The following ALG10B variants were observed in gnomAD, a reference collection of about 807,000 sequenced individuals.
The protein encoded by ALG10B is dol-P-Glc:Glc(2)Man(9)GlcNAc(2)-PP-Dol alpha-1,2-glucosyltransferase B.
ALG10B carries 27 observed loss-of-function variants against 38.7 expected under a neutral mutation model. The ratio of observed to expected loss-of-function variants is 0.70; its 90% confidence interval spans 0.51 to 0.96. The LOEUF is 0.96. Ranked by LOEUF, ALG10B falls within the 40% of genes least tolerant of loss-of-function variation. The pLI, the probability that ALG10B is intolerant of heterozygous loss-of-function variation, is 0.00. For synonymous variants in ALG10B, 177 were observed against 193.3 expected, an observed-to-expected ratio of 0.92 and a Z score of 0.70; for missense variants, 522 against 542.7, an observed-to-expected ratio of 0.96 and a Z score of 0.38.
In ALG10B at chr12:38,324,310, G is replaced by A. The variant is rs572996584; in HGVS notation, c.*3097G>A. ...CGCCTCCCAAAGTGCTGGGATTACA[G>A]GCGTGAGCCACTGTGCCCAGCTCTT... is the stretch of plus-strand genomic sequence containing the variant. On this transcript the variant is annotated 3_prime_UTR_variant, in exon 3 of 3. Coordinates refer to ENST00000308742, the MANE Select transcript of ALG10B (RefSeq NM_001013620.4). 4 of 183,428 alleles carry A rather than the reference G, an allele frequency of 2.2e-5. No homozygotes were observed. Among genetic ancestry groups the A allele is most frequent in the Non-Finnish European group, 4.6e-5 (4 of 87,344 alleles). The allele number at this position is 183,428 out of a possible 1,614,324, so 11.4% of individuals were successfully genotyped here. A position where few individuals can be genotyped will look rare whatever the true frequency, so the allele number is the denominator to read the frequency against.
chr12:38,317,040 T>G lies in ALG10B; in HGVS notation c.147T>G (p.Cys49Trp). ...IFHLPQAQRY[C>W]EGHFSLSQWD... The stretch of plus-strand genomic sequence containing the variant: ...ACCTGCCTCAGGCGCAGCGCTACTG[T>G]GAGGGCCATTTCTCCCTTTCCCAGG... Residue 49 changes from cysteine (C) to tryptophan (W), a missense_variant, in exon 1 of 3, where the codon TGT (cysteine) becomes TGG (tryptophan). Transcript: ENST00000308742. The G allele has an allele frequency of 6.2e-7, 1 of 1,614,196 alleles. No homozygotes were observed. Among genetic ancestry groups the G allele is most frequent in the Non-Finnish European group, 8.5e-7 (1 of 1,180,024 alleles).
At position 38,322,087 on chromosome 12, in the gene ALG10B, G is replaced by A. The variant is rs1467225856; in HGVS notation, c.*874G>A. ...GTTGGTTCCTTCTGGAGGCTCTAAG[G>A]AAGAATCCATTCTATGTCTGTTTCC... On this transcript the variant is annotated 3_prime_UTR_variant, in exon 3 of 3. Coordinates refer to ENST00000308742, the MANE Select transcript of ALG10B (RefSeq NM_001013620.4). The A allele has an allele frequency of 1.3e-5, 2 of 152,166 alleles. No individual in the cohort carries two copies. Among genetic ancestry groups the A allele is most frequent in the African/African-American group, 4.8e-5 (2 of 41,442 alleles). The allele number at this position is 152,166 out of a possible 1,614,324, so 9.4% of individuals were successfully genotyped here.
Position 38,321,185 on chromosome 12 carries a change from G to C in ALG10B, c.1394G>C (p.Ser465Thr), listed in dbSNP as rs766344970. Residue 465 changes from serine (S) to threonine (T), a missense_variant, in exon 3 of 3, where the codon AGT (serine) becomes ACT (threonine). Ser to Thr is a moderately conservative substitution (Grantham distance 58). Transcript: ENST00000308742. ...AACAAGACTTTTCAGTGGCCAAATA[G>C]TCAGGACATTCAAAGGTTTATGTGG... Reference protein sequence around the residue: ...FLNKTFQWPNSQDIQRFMW With the variant: ...FLNKTFQWPNTQDIQRFMW 6.2e-7 allele frequency: 1 copy of C among 1,611,852 alleles called. No homozygotes were observed. Among genetic ancestry groups the C allele is most frequent in the Non-Finnish European group, 8.5e-7 (1 of 1,179,166 alleles).
Position 38,323,789 on chromosome 12 carries a change from C to CT in ALG10B, c.*2580dup. The stretch of plus-strand genomic sequence containing the variant: ...AGAGAGGACACTCAAAGAAATTATA[C>CT]TTTTGTCATTAATTTACTATAGTGG... On this transcript the variant is annotated 3_prime_UTR_variant, in exon 3 of 3. Transcript: ENST00000308742. 1.5e-6 allele frequency: 1 copy of CT among 652,538 alleles called. No individual in the cohort carries two copies. The highest frequency in any genetic ancestry group is 2.7e-5 in the East Asian group (1 of 36,776). 40.4% of individuals were successfully genotyped at this position (652,538 alleles called of 1,614,324 possible).
Position 38,320,361 on chromosome 12 carries a change from C to A in ALG10B, c.570C>A (p.Ile190=). 1 of 1,614,052 alleles carries A rather than the reference C, an allele frequency of 6.2e-7. No homozygotes were observed. Among genetic ancestry groups the A allele is most frequent in the African/African-American group, 1.3e-5 (1 of 75,024 alleles). The change falls in exon 3 of 3, where the codon ATC becomes ATA. Residue 190 remains isoleucine, a synonymous_variant. Coordinates refer to ENST00000308742, the MANE Select transcript of ALG10B (RefSeq NM_001013620.4). ...GCTTCATGTTTCGGCAAACAAATAT[C>A]ATCTGGGCTGTCTTCTGTGCAGGGA... ...FCGFMFRQTN[I]IWAVFCAGNV... is the part of the protein sequence containing the mutation.
At position 38,325,278 on chromosome 12, in the gene ALG10B, C is replaced by T. The variant is rs1945734740; in HGVS notation, c.*4065C>T. The stretch of plus-strand genomic sequence containing the variant: ...TTCTTAGAGTTATTTCTGAAATGTG[C>T]ATAGCCAGTCATAAAATAACTTGTG... On this transcript the variant is annotated 3_prime_UTR_variant, in exon 3 of 3. Coordinates refer to ENST00000308742, the MANE Select transcript of ALG10B (RefSeq NM_001013620.4). 1 of 152,170 alleles carries T rather than the reference C, an allele frequency of 6.6e-6. No homozygotes were observed. The highest frequency in any genetic ancestry group is 2.4e-5 in the African/African-American group (1 of 41,442). The allele number at this position is 152,170 out of a possible 1,614,324, so 9.4% of individuals were successfully genotyped here.
In ALG10B at chr12:38,317,008, A is replaced by T. The variant is rs1401251695; in HGVS notation, c.115A>T (p.Ile39Phe). The change falls in exon 1 of 3, where the codon ATC (isoleucine) becomes TTC (phenylalanine). Residue 39 changes from isoleucine to phenylalanine, a missense_variant. Coordinates refer to ENST00000308742, the MANE Select transcript of ALG10B (RefSeq NM_001013620.4). Reference sequence around the variant, plus strand: ...GCTGCGAGAGCCCTACATGGACGAGATCTTCCACCTGCCTCAGGCGCAGCG... The same window carrying T: ...GCTGCGAGAGCCCTACATGGACGAGTTCTTCCACCTGCCTCAGGCGCAGCG... ...RALREPYMDE[I>F]FHLPQAQRYC... 3.7e-6 allele frequency: 6 copies of T among 1,613,864 alleles called. No individual in the cohort carries two copies. In the East Asian group the frequency reaches 1.1e-4, roughly 30 times the overall value.
chr12:38,324,187 C>T lies in ALG10B; in HGVS notation c.*2974C>T. 2.5e-6 allele frequency: 1 copy of T among 403,898 alleles called. No homozygotes were observed. 25.0% of individuals were successfully genotyped at this position (403,898 alleles called of 1,614,324 possible). On this transcript the variant is annotated 3_prime_UTR_variant, in exon 3 of 3. Coordinates refer to ENST00000308742, the MANE Select transcript of ALG10B (RefSeq NM_001013620.4). The stretch of plus-strand genomic sequence containing the variant: ...AGCTGAGATTATAGGCGCCCACCAC[C>T]AAGCCTGGCTAATTTTTTCTATTTT...
rs1169972945 is a variant in ALG10B, at chr12:38,324,874, A to G, written c.*3661A>G. On this transcript the variant is annotated 3_prime_UTR_variant, in exon 3 of 3. Coordinates refer to ENST00000308742, the MANE Select transcript of ALG10B (RefSeq NM_001013620.4). ...CTGAATTGATTAAAATTAGGTGATTATGAAAAAAATATTGCCCTGCTCGAG... is the reference window on the plus strand; with the variant it reads ...CTGAATTGATTAAAATTAGGTGATTGTGAAAAAAATATTGCCCTGCTCGAG... The G allele has an allele frequency of 6.6e-6, 1 of 152,172 alleles. No individual in the cohort carries two copies. The highest frequency in any genetic ancestry group is 6.5e-5 in the Admixed American group (1 of 15,268). The allele number at this position is 152,172 out of a possible 1,614,324, so 9.4% of individuals were successfully genotyped here.
Position 38,324,197 on chromosome 12 carries a change from T to C in ALG10B, c.*2984T>C, listed in dbSNP as rs1945724830. 2 of 379,400 alleles carry C rather than the reference T, an allele frequency of 5.3e-6. No individual in the cohort carries two copies. Among genetic ancestry groups the C allele is most frequent in the Non-Finnish European group, 9.5e-6 (2 of 210,532 alleles). The allele number at this position is 379,400 out of a possible 1,614,324, so 23.5% of individuals were successfully genotyped here. On this transcript the variant is annotated 3_prime_UTR_variant, in exon 3 of 3. Coordinates refer to ENST00000308742, the MANE Select transcript of ALG10B (RefSeq NM_001013620.4). ...ATAGGCGCCCACCACCAAGCCTGGC[T>C]AATTTTTTCTATTTTTAGTAGAGCC... is the stretch of plus-strand genomic sequence containing the variant.
chr12:38,321,714 C>G lies in ALG10B; in HGVS notation c.*501C>G, dbSNP rs1240628017. 2 of 152,444 alleles carry G rather than the reference C, an allele frequency of 1.3e-5. No individual in the cohort carries two copies. The highest frequency in any genetic ancestry group is 2.9e-5 in the Non-Finnish European group (2 of 68,008). The allele number at this position is 152,444 out of a possible 1,614,324, so 9.4% of individuals were successfully genotyped here. ...AGGTGATATTCTTGACTGAAAAGTT[C>G]CTTAACATTTCAGTAAATATAATTT... is the stretch of plus-strand genomic sequence containing the variant. On this transcript the variant is annotated 3_prime_UTR_variant, in exon 3 of 3. Coordinates refer to ENST00000308742, the MANE Select transcript of ALG10B (RefSeq NM_001013620.4).
In ALG10B at chr12:38,328,015, G is replaced by A. The variant is rs1945760894; in HGVS notation, c.*6802G>A. ...GAAAAGCATAACTTCTAATTGTTTA[G>A]TCTTTTTAGGGAAACAAGCCCAGAA... On this transcript the variant is annotated 3_prime_UTR_variant, in exon 3 of 3. Transcript: ENST00000308742. 1 of 152,092 alleles carries A rather than the reference G, an allele frequency of 6.6e-6. No individual in the cohort carries two copies. The allele number at this position is 152,092 out of a possible 1,614,324, so 9.4% of individuals were successfully genotyped here. A position where few individuals can be genotyped will look rare whatever the true frequency, so the allele number is the denominator to read the frequency against.
intron 2 of ALG10B, among the ~76,000 whole-genome samples, chr12:38,319,337 A>T (rs1945682032): frequency 6.6e-6 from 1 of 152,184 alleles, no homozygotes; most frequent in South Asian, 2.1e-4. Context: ...GCATTGAACA[A>T]TGAGGTGCAG....
At chr12:38,317,194 T>C in intron 1 of ALG10B, 130 bp downstream of exon 1, 2 of 1,289,678 alleles carry the variant, frequency 1.6e-6, no homozygotes, top group South Asian at 1.4e-5. Flanking sequence ...TGAAAGAAAC[T>C]GGGTATAGTC....
rs1379671361 is a variant in ALG10B at position 38,327,342 on chromosome 12, A to C, written c.*6129A>C. On this transcript the variant is annotated 3_prime_UTR_variant, in exon 3 of 3. Coordinates refer to ENST00000308742, the MANE Select transcript of ALG10B (RefSeq NM_001013620.4). ...TGAACCATATATGTGTGTGTATGGC[A>C]TATATAAGATGAAAAAAGGAGAAAA... 6.6e-6 allele frequency: 1 copy of C among 152,164 alleles called. No homozygotes were observed. Among genetic ancestry groups the C allele is most frequent in the Admixed American group, 6.5e-5 (1 of 15,274 alleles). 9.4% of individuals were successfully genotyped at this position (152,164 alleles called of 1,614,324 possible).
At position 38,328,385 on chromosome 12, in the gene ALG10B, T is replaced by C. The variant is rs747844633; in HGVS notation, c.*7172T>C. 1 of 152,190 alleles carries C rather than the reference T, an allele frequency of 6.6e-6. No individual in the cohort carries two copies. The highest frequency in any genetic ancestry group is 2.4e-5 in the African/African-American group (1 of 41,466). 9.4% of individuals were successfully genotyped at this position (152,190 alleles called of 1,614,324 possible). Reference sequence around the variant, plus strand: ...ATGTTTTGGAGCACTGGTAATATAGTGTTTAACTTATTTTCTATTTTTTAT... The same window carrying C: ...ATGTTTTGGAGCACTGGTAATATAGCGTTTAACTTATTTTCTATTTTTTAT... On this transcript the variant is annotated 3_prime_UTR_variant, in exon 3 of 3. Coordinates refer to ENST00000308742, the MANE Select transcript of ALG10B (RefSeq NM_001013620.4).
rs144706904 is a variant in ALG10B, at chr12:38,328,419, A to G, written c.*7206A>G. ...TATTTTCTATTTTTTATCCCTCTAT[A>G]TTCGTGAAATTACTTCTATTTGAAA... On this transcript the variant is annotated 3_prime_UTR_variant, in exon 3 of 3. Transcript: ENST00000308742. The G allele has an allele frequency of 2.2e-4, 34 of 152,270 alleles. No individual in the cohort carries two copies. In the East Asian group the frequency reaches 4.6e-3, roughly 21 times the overall value. 9.4% of individuals were successfully genotyped at this position (152,270 alleles called of 1,614,324 possible).
In ALG10B at chr12:38,328,258, A is replaced by G. The variant is rs539002985; in HGVS notation, c.*7045A>G. 6.6e-6 allele frequency: 1 copy of G among 152,304 alleles called. No individual in the cohort carries two copies. Among genetic ancestry groups the G allele is most frequent in the East Asian group, 1.9e-4 (1 of 5,192 alleles). The allele number at this position is 152,304 out of a possible 1,614,324, so 9.4% of individuals were successfully genotyped here. A position where few individuals can be genotyped will look rare whatever the true frequency, so the allele number is the denominator to read the frequency against. The stretch of plus-strand genomic sequence containing the variant: ...TGATGACTTACATGCTGTCTTTGGT[A>G]TATTTTAAGTTTCTAAACCAAAACT... On this transcript the variant is annotated 3_prime_UTR_variant, in exon 3 of 3. Transcript: ENST00000308742.
rs1945713281 is a variant in ALG10B, at chr12:38,322,648, T to C, written c.*1435T>C. 1 of 152,190 alleles carries C rather than the reference T, an allele frequency of 6.6e-6. No homozygotes were observed. The highest frequency in any genetic ancestry group is 1.5e-5 in the Non-Finnish European group (1 of 68,030). The allele number at this position is 152,190 out of a possible 1,614,324, so 9.4% of individuals were successfully genotyped here. ...ATGTACTCTCAACAGTATTGAAATG[T>C]ACATACAGTGCTTAATTATTAGCTG... On this transcript the variant is annotated 3_prime_UTR_variant, in exon 3 of 3. Transcript: ENST00000308742.
Sources: allele counts gnomAD v4.1 joint callset (sites outside exome capture counted in the v4.1 genomes callset), GRCh38; gene constraint gnomAD v4.1.1; transcripts MANE v1.5; gene names NCBI Gene and HGNC (gene_info 2026-07-23, HGNC 2026-07-21).